Variants in C19orf12 observed in about 807,000 individuals in gnomAD.
C19orf12 encodes protein C19orf12.
C19orf12 carries 2 observed loss-of-function variants against 3.8 expected under a neutral mutation model. The ratio of observed to expected loss-of-function variants is 0.53; its 90% CI spans 0.22 to 1.66. The LOEUF (loss-of-function observed/expected upper bound fraction) is 1.66, where lower values mean the gene tolerates loss of function less well. C19orf12 is among the 40% of genes most tolerant of loss of function. The pLI, the probability that C19orf12 is intolerant of heterozygous loss-of-function variation, is 0.20. For missense variants in C19orf12, 156 were observed against 188.8 expected (o/e 0.83, Z 1.02); for synonymous variants, 89 against 84.6 (o/e 1.05, Z -0.28).
At chr19:29,713,978 TTC>T (rs1386979651) in intron 1 of C19orf12, among the ~76,000 whole-genome samples, 1 of 151,552 alleles carries the variant, frequency 6.6e-6, no homozygotes, top group Non-Finnish European at 1.5e-5. Context: ...TTCCTTCCTT[TTC>T]TCTTTCTCTT....
rs1218207494 is a variant in C19orf12, at chr19:29,700,936, T to G, written c.*1776A>C. The stretch of plus-strand genomic sequence containing the variant: ...CTGGGGACCAAGGAATAACATTTTT[T>G]GTAGAGATGGAGGTCTCACTATATT... On this transcript the variant is annotated 3_prime_UTR_variant, in exon 3 of 3. Transcript: ENST00000323670. 9 of 453,878 alleles carry G rather than the reference T, an allele frequency of 2.0e-5. No individual in the cohort carries two copies. The highest frequency in any genetic ancestry group is 3.1e-5 in the Non-Finnish European group (7 of 226,706). The allele number at this position is 453,878 out of a possible 1,614,324, so 28.1% of individuals were successfully genotyped here. A position where few individuals can be genotyped will look rare whatever the true frequency, so the allele number is the denominator to read the frequency against.
intron 1 of C19orf12, among the ~76,000 whole-genome samples, chr19:29,712,009 C>T (rs1307533365): frequency 6.6e-6 from 1 of 152,190 alleles, no homozygotes; most frequent in Admixed American, 6.5e-5. Context: ...TTTCAGGAAA[C>T]ACAGATAAGG....
At chr19:29,703,891 G>A (rs1972244275) in intron 2 of C19orf12, among the ~76,000 whole-genome samples, 4 of 152,070 alleles carry the variant, frequency 2.6e-5, no homozygotes, top group Non-Finnish European at 5.9e-5. Flanking sequence ...CTTGGAAGCT[G>A]AGGCAGGAGA....
chr19:29,714,976 C>T lies in C19orf12; in HGVS notation c.-11+149G>A. On this transcript the variant is annotated intron_variant, in intron 1 of 2. Coordinates refer to ENST00000323670, the MANE Select transcript of C19orf12 (RefSeq NM_031448.6). ...CAATGACTACACTAACAGTGTCCAC[C>T]CCGGCACCGGGAGGGCCGGGCTCCC... The T allele has an allele frequency of 4.2e-6, 3 of 715,310 alleles. No homozygotes were observed. The South Asian group carries it at 4.5e-5, about 11-fold the overall frequency. 44.3% of individuals were successfully genotyped at this position (715,310 alleles called of 1,614,324 possible).
At chr19:29,711,100 C>T (rs547853170) in intron 1 of C19orf12, among the ~76,000 whole-genome samples, 4 of 133,060 alleles carry the variant, frequency 3.0e-5, no homozygotes, top group South Asian at 2.5e-4. Context: ...AGTGTAGCGG[C>T]GCGATCTCGG....
chr19:29,709,061 T>C (rs1453268813), intron 1 of C19orf12, among the ~76,000 whole-genome samples: 1 of 152,198 alleles, frequency 6.6e-6, no homozygotes, highest in Non-Finnish European at 1.5e-5. Flanking sequence ...GAACGAACAC[T>C]GTTACTAACA....
Position 29,702,159 on chromosome 19 carries a change from G to A in C19orf12, c.*553C>T, listed in dbSNP as rs766258997. ...TATTTGTGGCTTCACTCAGCAGGCC[G>A]CCCGTCCCCTCCGTGGGGCCATTCG... On this transcript the variant is annotated 3_prime_UTR_variant, in exon 3 of 3. Transcript: ENST00000323670. The A allele has an allele frequency of 2.4e-4, 109 of 453,858 alleles. 1 individual carries two copies. The highest frequency in any genetic ancestry group is 1.0e-3 in the African/African-American group (50 of 50,146). 28.1% of individuals were successfully genotyped at this position (453,858 alleles called of 1,614,324 possible).
chr19:29,706,618 GGAA>G (rs1274769341), intron 2 of C19orf12, among the ~76,000 whole-genome samples: 2 of 152,192 alleles, frequency 1.3e-5, no homozygotes, highest in Non-Finnish European at 2.9e-5. Flanking sequence ...CGAGGAAGAA[GGAA>G]ACAGCCTTGT....
chr19:29,702,820 C>T lies in C19orf12; in HGVS notation c.318G>A (p.Gln106=). 1 of 1,614,010 alleles carries T rather than the reference C, an allele frequency of 6.2e-7. No individual in the cohort carries two copies. Among genetic ancestry groups the T allele is most frequent in the Non-Finnish European group, 8.5e-7 (1 of 1,179,952 alleles). Residue 106 remains glutamine, a synonymous_variant, in exon 3 of 3, where the codon CAG becomes CAA. Coordinates refer to ENST00000323670, the MANE Select transcript of C19orf12 (RefSeq NM_031448.6). ...IRHLEWTDAV[Q]LTALVMGSEA... ...CGCTGCCCATGACCAGCGCGGTCAG[C>T]TGCACGGCGTCCGTCCACTCCAGGT...
intron 2 of C19orf12, among the ~76,000 whole-genome samples, chr19:29,707,722 C>T (rs928739663): frequency 2.6e-5 from 4 of 152,194 alleles, no homozygotes; most frequent in Non-Finnish European, 5.9e-5. Context: ...GACATTCACA[C>T]AGAAGCCTGC....
rs1485075042 is a variant in C19orf12 at position 29,702,690 on chromosome 19, C to T, written c.*22G>A. 5 of 1,612,424 alleles carry T rather than the reference C, an allele frequency of 3.1e-6. No individual in the cohort carries two copies. The highest frequency in any genetic ancestry group is 2.2e-5 in the South Asian group (2 of 91,010). ...ATCACAGAGTCATTTAAAGGGGCCCCCCACCTCCCCGGAGGTGCGGCCTAG... is the reference window on the plus strand; with the variant it reads ...ATCACAGAGTCATTTAAAGGGGCCCTCCACCTCCCCGGAGGTGCGGCCTAG... On this transcript the variant is annotated 3_prime_UTR_variant, in exon 3 of 3. Transcript: ENST00000323670.
Position 29,708,371 on chromosome 19 carries a change from G to T in C19orf12, c.43C>A (p.Leu15Ile). 1 of 1,614,158 alleles carries T rather than the reference G, an allele frequency of 6.2e-7. No homozygotes were observed. The highest frequency in any genetic ancestry group is 1.1e-5 in the South Asian group (1 of 91,082). ...VEDIMKLLCSLSGERKMKAAV... is the reference protein window; with the variant it reads ...VEDIMKLLCSISGERKMKAAV... The stretch of plus-strand genomic sequence containing the variant: ...GCCTTCATCTTCCTCTCCCCAGAAA[G>T]GGAGCACAGCAGCTTCATGATGTCC... The change falls in exon 2 of 3, where the codon CTT (leucine) becomes ATT (isoleucine). Residue 15 changes from leucine (L) to isoleucine (I), a missense_variant. Physicochemically the swap from Leu to Ile is conservative, Grantham distance 5 (BLOSUM62 2). Coordinates refer to ENST00000323670, the MANE Select transcript of C19orf12 (RefSeq NM_031448.6).
chr19:29,711,933 T>C (rs1431910030), intron 1 of C19orf12, among the ~76,000 whole-genome samples: 2 of 152,112 alleles, frequency 1.3e-5, no homozygotes, highest in East Asian at 1.9e-4. Context: ...ATTAGGCAAA[T>C]AGTTAGGGCA....
rs764408474 is a variant in C19orf12 at position 29,702,816 on chromosome 19, T to G, written c.322A>C (p.Thr108Pro). The G allele has an allele frequency of 6.2e-7, 1 of 1,613,852 alleles. No homozygotes were observed. ...HLEWTDAVQL[T>P]ALVMGSEALQ... ...GCCTCGCTGCCCATGACCAGCGCGG[T>G]CAGCTGCACGGCGTCCGTCCACTCC... The change falls in exon 3 of 3, where the codon ACC becomes CCC. Residue 108 changes from threonine to proline, a missense_variant. Coordinates refer to ENST00000323670, the MANE Select transcript of C19orf12 (RefSeq NM_031448.6).
rs112795745 is a variant in C19orf12 at position 29,704,388 on chromosome 19, C to T, written c.161-1411G>A. ...CTGAGGCAGGAGAATCACTTGAACCCGGGAGGCAGAGGTTGCAGTGAGCCA... is the reference window on the plus strand; with the variant it reads ...CTGAGGCAGGAGAATCACTTGAACCTGGGAGGCAGAGGTTGCAGTGAGCCA... On this transcript the variant is annotated intron_variant, in intron 2 of 2. Coordinates refer to ENST00000323670, the MANE Select transcript of C19orf12 (RefSeq NM_031448.6). 9.7e-3 allele frequency among the ~76,000 whole-genome samples: 1,479 copies of T among 152,172 alleles called. 22 individuals are homozygous for T. Among genetic ancestry groups the T allele is most frequent in the African/African-American group, 0.034 (1,407 of 41,524 alleles).
chr19:29,715,569 C>G (rs1367786080), upstream of C19orf12: 1 of 215,450 alleles, frequency 4.6e-6, no homozygotes, highest in African/African-American at 2.4e-5. Context: ...GCACCTGCCT[C>G]CAGGACCGCG....
intron 2 of C19orf12, among the ~76,000 whole-genome samples, chr19:29,703,378 CT>C (rs1165470646): frequency 0.069 from 8,817 of 128,376 alleles, 188 homozygotes; most frequent in East Asian, 0.098. Context: ...TTTTTCTTTT[CT>C]TTTTTTTTTT....
At chr19:29,712,194 A>G (rs1972715155) in intron 1 of C19orf12, among the ~76,000 whole-genome samples, 1 of 152,160 alleles carries the variant, frequency 6.6e-6, no homozygotes, top group Non-Finnish European at 1.5e-5. Context: ...TCACGAGGTC[A>G]AGAGATCGAG....
chr19:29,706,654 C>A (rs1007744172), intron 2 of C19orf12, among the ~76,000 whole-genome samples: 1 of 152,152 alleles, frequency 6.6e-6, no homozygotes, highest in African/African-American at 2.4e-5. Context: ...CGGTTCCTTC[C>A]CGGATGGCAA....
Sources: gnomAD v4.1 joint callset for allele counts (sites outside exome capture counted in the v4.1 genomes callset) on GRCh38, gnomAD v4.1.1 for gene constraint, MANE v1.5 for transcripts, NCBI Gene and HGNC (gene_info 2026-07-23, HGNC 2026-07-21) for gene names.